The following MAGI1 variants were observed in gnomAD, a reference collection of about 807,000 sequenced individuals.
The protein encoded by MAGI1 is membrane-associated guanylate kinase, WW and PDZ domain-containing protein 1.
MAGI1 carries 58 observed loss-of-function variants against 139.9 expected under a neutral mutation model. The observed-to-expected ratio is 0.41, with a 90% CI of 0.34 to 0.52. The LOEUF is 0.52. Among genes scored for constraint, MAGI1 ranks in the 20% least tolerant of loss-of-function variants. The pLI is 0.12. For missense variants in MAGI1, 1,874 were observed against 1,901.6 expected (o/e 0.99, Z 0.27); for synonymous variants, 812 against 737.9 (o/e 1.10, Z -1.63).
intron 1 of MAGI1, among the ~76,000 whole-genome samples, chr3:65,810,038 CTTT>C (rs2041125296): frequency 1.3e-5 from 2 of 151,890 alleles, no homozygotes; most frequent in African/African-American, 4.8e-5. Context: ...CTATCATTTT[CTTT>C]TATTTCAGGA....
In MAGI1 at chr3:65,920,425, G is replaced by A. The variant is rs571093599; in HGVS notation, c.313+117571C>T. Among the ~76,000 whole-genome samples, 3 of 152,250 alleles carry A rather than the reference G, an allele frequency of 2.0e-5. 1 individual carries two copies. Among genetic ancestry groups the A allele is most frequent in the South Asian group, 4.1e-4 (2 of 4,826 alleles). On this transcript the variant is annotated intron_variant, in intron 1 of 22. Transcript: ENST00000402939. ...ATTCTGACAGTCACACACAAACACCGTATGAATTTCTAATCCTGAACCATC... is the reference window on the plus strand; with the variant it reads ...ATTCTGACAGTCACACACAAACACCATATGAATTTCTAATCCTGAACCATC...
intron 18 of MAGI1, among the ~76,000 whole-genome samples, chr3:65,369,391 G>GAC (rs1342859439): frequency 6.6e-6 from 1 of 152,184 alleles, no homozygotes; most frequent in East Asian, 1.9e-4. Flanking sequence ...CAAAGAATTA[G>GAC]ATAGCATGAA....
intron 5 of MAGI1, among the ~76,000 whole-genome samples, chr3:65,458,583 A>T (rs146134426): frequency 1.3e-5 from 2 of 152,088 alleles, no homozygotes; most frequent in Non-Finnish European, 2.9e-5. Flanking sequence ...ACCTTTTCAC[A>T]TATCTGTCTG....
At chr3:65,619,919 T>C (rs2083576132) in intron 2 of MAGI1, 1 of 985,138 alleles carries the variant, frequency 1.0e-6, no homozygotes, top group African/African-American at 1.7e-5. Flanking sequence ...TTCACAGCCA[T>C]AAAACATCAA....
intron 1 of MAGI1, among the ~76,000 whole-genome samples, chr3:65,669,412 T>C (rs76060964): frequency 0.027 from 4,107 of 152,208 alleles, 182 homozygotes; most frequent in African/African-American, 0.091. Context: ...TTCCCTGGCA[T>C]TTTTCTGTTA....
At chr3:65,400,750 ATTTTT>A (rs767598706) in intron 13 of MAGI1, among the ~76,000 whole-genome samples, 651 of 60,446 alleles carry the variant, frequency 0.011, 6 homozygotes, top group East Asian at 0.018. Flanking sequence ...CAAAACATTG[ATTTTT>A]TTTTTTTTTT....
intron 1 of MAGI1, among the ~76,000 whole-genome samples, chr3:65,974,757 T>C (rs1387524778): frequency 1.3e-5 from 2 of 152,100 alleles, no homozygotes; most frequent in Admixed American, 6.6e-5. Context: ...GCATAGCTTC[T>C]CCCAGAGCAA....
chr3:65,882,892 G>C (rs988899991), intron 1 of MAGI1, among the ~76,000 whole-genome samples: 15 of 144,416 alleles, frequency 1.0e-4, no homozygotes, highest in Non-Finnish European at 1.9e-4. Context: ...CCATGATCAC[G>C]CAACTGCATT....
intron 1 of MAGI1, among the ~76,000 whole-genome samples, chr3:65,700,124 A>T (rs1277772209): frequency 1.3e-5 from 2 of 152,138 alleles, no homozygotes; most frequent in African/African-American, 2.4e-5. Context: ...GACATTCCTT[A>T]TAAGATGGTT....
chr3:65,928,548 A>G (rs2062637677), intron 1 of MAGI1, among the ~76,000 whole-genome samples: 1 of 151,720 alleles, frequency 6.6e-6, no homozygotes, highest in African/African-American at 2.4e-5. Context: ...TCTCAACTAC[A>G]TCTCTCAACA....
intron 12 of MAGI1, among the ~76,000 whole-genome samples, chr3:65,412,972 AG>A (rs1157810156): frequency 3.3e-5 from 5 of 152,188 alleles, no homozygotes; most frequent in Admixed American, 3.3e-4. Context: ...CTAAATCTTC[AG>A]GTAAGGATAG....
chr3:65,815,172 G>T (rs2041521767), intron 1 of MAGI1, among the ~76,000 whole-genome samples: 1 of 152,166 alleles, frequency 6.6e-6, no homozygotes, highest in South Asian at 2.1e-4. Flanking sequence ...AATGATTCAA[G>T]GGACTGAATA....
At chr3:65,806,931 A>T (rs2040897537) in intron 1 of MAGI1, among the ~76,000 whole-genome samples, 2 of 152,356 alleles carry the variant, frequency 1.3e-5, no homozygotes, top group African/African-American at 4.8e-5. Flanking sequence ...CTGATGACAT[A>T]GTTGATGATG....
chr3:65,990,482 A>G (rs952177146), intron 1 of MAGI1, among the ~76,000 whole-genome samples: 1 of 152,226 alleles, frequency 6.6e-6, no homozygotes, highest in African/African-American at 2.4e-5. Flanking sequence ...CCAGATGAGC[A>G]TAGCTGTCAG....
At chr3:65,876,337 C>G (rs1398972567) in intron 1 of MAGI1, among the ~76,000 whole-genome samples, 1 of 151,768 alleles carries the variant, frequency 6.6e-6, no homozygotes, top group African/African-American at 2.4e-5. Flanking sequence ...CATCTCCTAA[C>G]CCACTCACCA....
At chr3:65,776,293 T>C (rs1465952412) in intron 1 of MAGI1, among the ~76,000 whole-genome samples, 1 of 150,350 alleles carries the variant, frequency 6.7e-6, no homozygotes, top group Non-Finnish European at 1.5e-5. Flanking sequence ...ATTCCATTAA[T>C]TAAATCCTAC....
intron 2 of MAGI1, among the ~76,000 whole-genome samples, chr3:65,520,838 A>T (rs1297933373): frequency 6.6e-6 from 1 of 152,230 alleles, no homozygotes; most frequent in Non-Finnish European, 1.5e-5. Flanking sequence ...TTCGTGACTT[A>T]TAAACCATGG....
intron 1 of MAGI1, among the ~76,000 whole-genome samples, chr3:65,724,932 G>A (rs9863366): frequency 0.36 from 54,090 of 151,886 alleles, 11,227 homozygotes; most frequent in African/African-American, 0.56. Flanking sequence ...ACACTCGGGG[G>A]TTATGGGCAC....
chr3:65,387,188 C>T, intron 14 of MAGI1: 1 of 1,614,158 alleles, frequency 6.2e-7, no homozygotes, highest in Non-Finnish European at 8.5e-7. Context: ...CTCTCTCTCT[C>T]ACCCTTGCTC....
Sources: allele counts gnomAD v4.1 joint callset (sites outside exome capture counted in the v4.1 genomes callset), GRCh38; gene constraint gnomAD v4.1.1; transcripts MANE v1.5; gene names NCBI Gene and HGNC (gene_info 2026-07-23, HGNC 2026-07-21).